ADGRG1: variants seen among roughly 807,000 people sequenced by gnomAD.
ADGRG1 encodes 7-transmembrane protein with no EGF-like N-terminal domains-1.
In ADGRG1, 53 loss-of-function variants were observed where a neutral mutation model predicts 73.5. The ratio of observed to expected loss-of-function variants is 0.72; its 90% CI spans 0.58 to 0.91. ADGRG1 has a LOEUF of 0.91. ADGRG1 is among the 40% of genes least tolerant of loss of function. The pLI is 0.00. For synonymous variants in ADGRG1, 394 were observed against 374.4 expected, an observed-to-expected ratio of 1.05 and a Z score of -0.60; for missense variants, 795 against 871.8, an observed-to-expected ratio of 0.91 and a Z score of 1.11.
At chr16:57,637,852 C>G (rs2039754894) in intron 1 of ADGRG1, among the ~76,000 whole-genome samples, 1 of 152,226 alleles carries the variant, frequency 6.6e-6, no homozygotes, top group Admixed American at 6.5e-5. Context: ...TTGGACTCCC[C>G]TCAGAATGTG....
chr16:57,620,990 GCAGCAGTAGGCCCCT>G (rs1191234950), exon 1 of ADGRG1: 1 of 152,086 alleles, frequency 6.6e-6, no homozygotes, highest in African/African-American at 2.4e-5. Flanking sequence ...CCCATAAGCT[GCAGCAGTAGGCCCCT>G]CCCCTGGTCT....
intron 12 of ADGRG1, 188 bp from the exon 13 acceptor site, chr16:57,661,509 A>T: frequency 1.0e-6 from 1 of 982,634 alleles, no homozygotes; most frequent in Non-Finnish European, 1.2e-6. Context: ...TACTTACTTA[A>T]CATTTTCCTT....
upstream of ADGRG1, chr16:57,627,086 A>C (rs553819901): frequency 1.7e-5 from 17 of 984,818 alleles, no homozygotes; most frequent in African/African-American, 3.0e-4. Flanking sequence ...GTTTTCTGGA[A>C]GCTCTCACCT....
intron 1 of ADGRG1, chr16:57,641,904 T>C (rs1468573018): frequency 1.1e-5 from 2 of 176,632 alleles, no homozygotes; most frequent in African/African-American, 4.8e-5. Flanking sequence ...AATTTGTATT[T>C]AGAGACAAGG....
At chr16:57,629,839 C>A (rs1451970091) in intron 1 of ADGRG1, 1 of 174,778 alleles carries the variant, frequency 5.7e-6, no homozygotes, top group Non-Finnish European at 1.1e-5. Flanking sequence ...TTCCTGTCCT[C>A]CCCCGTCCCC....
chr16:57,630,427 C>T (rs1190020174), intron 1 of ADGRG1: 34 of 985,534 alleles, frequency 3.4e-5, no homozygotes, highest in South Asian at 1.4e-4. Context: ...ATCACTGTGG[C>T]CCCCTTGCCC....
rs551475682 is a variant in ADGRG1 at position 57,628,708 on chromosome 16, C to T, written c.-130C>T. The T allele has an allele frequency of 4.2e-5, 41 of 985,494 alleles. No individual in the cohort carries two copies. In the East Asian group the frequency reaches 9.1e-4, roughly 22 times the overall value. The allele number at this position is 985,494 out of a possible 1,614,324, so 61.0% of individuals were successfully genotyped here. The stretch of plus-strand genomic sequence containing the variant: ...GCTCTCCAGCTCACTCGGCAGGCAG[C>T]GGGGACCAGGGCTGGCAGGTTAAGC... On this transcript the variant is annotated 5_prime_UTR_variant, in exon 1 of 14. Transcript: ENST00000562631.
intron 7 of ADGRG1, 116 bp from the exon 8 acceptor site, chr16:57,656,110 G>A (rs1205920085): frequency 6.2e-7 from 1 of 1,613,412 alleles, no homozygotes; most frequent in Admixed American, 1.7e-5. Context: ...CGAGCAGTCA[G>A]GTCCAAATGG....
chr16:57,660,996 T>C, intron 12 of ADGRG1, 120 bp downstream of exon 12: 3 of 739,676 alleles, frequency 4.1e-6, no homozygotes, highest in Non-Finnish European at 7.3e-6. Context: ...CCTCGAGGAA[T>C]TGGCCTGGCA....
intron 1 of ADGRG1, chr16:57,646,762 C>T (rs181629532): frequency 7.5e-6 from 7 of 930,606 alleles, no homozygotes; most frequent in East Asian, 1.2e-4. Flanking sequence ...CCTCAGTGTC[C>T]GCATCTGTAA....
At position 57,647,143 on chromosome 16, in the gene ADGRG1, G is replaced by C. The variant is rs183876913; in HGVS notation, c.-35-3110G>C. 9.1e-6 allele frequency: 9 copies of C among 985,494 alleles called. No homozygotes were observed. In the East Asian group the frequency reaches 7.9e-4, roughly 87 times the overall value. 61.0% of individuals were successfully genotyped at this position (985,494 alleles called of 1,614,324 possible). ...TGGCATAGGCAGGGATGAAGGAGGG[G>C]CGCTAAGTGGACAAGCGTGACAGTG... On this transcript the variant is annotated intron_variant, in intron 1 of 13. Coordinates refer to ENST00000562631, the MANE Select transcript of ADGRG1 (RefSeq NM_201525.4).
At chr16:57,626,810 GA>G (rs1313614495), upstream of ADGRG1, 1 of 979,500 alleles carries the variant, frequency 1.0e-6, no homozygotes, top group Non-Finnish European at 1.2e-6. Context: ...ATCAGGCCCT[GA>G]AGGACTGACC....
intron 12 of ADGRG1, 95 bp from the exon 13 acceptor site, chr16:57,661,602 A>G: frequency 6.5e-7 from 1 of 1,537,862 alleles, no homozygotes; most frequent in Non-Finnish European, 8.7e-7. Flanking sequence ...CTTGCTGTAA[A>G]CAGTGGATAA....
intron 13 of ADGRG1, 116 bp downstream of exon 13, chr16:57,662,081 A>G (rs1399497419): frequency 1.8e-5 from 15 of 850,554 alleles, no homozygotes; most frequent in Non-Finnish European, 3.0e-5. Flanking sequence ...CAGTCATCCC[A>G]TTCATAAAAT....
upstream of ADGRG1, chr16:57,623,998 A>C (rs2035367544): frequency 1.1e-5 from 3 of 272,034 alleles, no homozygotes; most frequent in Non-Finnish European, 1.7e-5. Flanking sequence ...TTTGTAGAGG[A>C]GGTAGTAGAT....
chr16:57,645,702 C>T (rs1597374283), intron 1 of ADGRG1, among the ~76,000 whole-genome samples: 1 of 152,344 alleles, frequency 6.6e-6, no homozygotes, highest in East Asian at 1.9e-4. Context: ...CCCAAGCCCA[C>T]CCCATCAGAC....
chr16:57,645,467 C>G lies in ADGRG1; in HGVS notation c.-35-4786C>G, dbSNP rs3785331. 3,464 of 348,940 alleles carry G rather than the reference C, an allele frequency of 9.9e-3. 235 individuals carry two copies. The East Asian group carries it at 0.23, about 23-fold the overall frequency. 21.6% of individuals were successfully genotyped at this position (348,940 alleles called of 1,614,324 possible). The stretch of plus-strand genomic sequence containing the variant: ...AAATGCTGGGGGAGCCACAGAGGAG[C>G]CTGATGGGTCTGCGTCACAGGGCAG... On this transcript the variant is annotated intron_variant, in intron 1 of 13. Coordinates refer to ENST00000562631, the MANE Select transcript of ADGRG1 (RefSeq NM_201525.4).
chr16:57,659,090 G>A (rs771466338), intron 10 of ADGRG1: 3 of 985,346 alleles, frequency 3.0e-6, no homozygotes, highest in Non-Finnish European at 3.6e-6. Flanking sequence ...TCTCCAACAT[G>A]GTGAAAATGC....
At chr16:57,656,955 G>A (rs539262032) in intron 9 of ADGRG1, among the ~76,000 whole-genome samples, 4 of 152,288 alleles carry the variant, frequency 2.6e-5, no homozygotes, top group African/African-American at 9.6e-5. Context: ...CCCTGAGGTG[G>A]CCTCCAGTGC....
Sources: gnomAD v4.1 joint callset for allele counts (sites outside exome capture counted in the v4.1 genomes callset) on GRCh38, gnomAD v4.1.1 for gene constraint, MANE v1.5 for transcripts, NCBI Gene and HGNC (gene_info 2026-07-23, HGNC 2026-07-21) for gene names.